The following PHYHIPL variants were observed in gnomAD, a reference collection of about 807,000 sequenced individuals.
PHYHIPL encodes the protein phytanoyl-CoA hydroxylase-interacting protein-like.
In PHYHIPL, 9 loss-of-function variants were observed where a neutral mutation model predicts 33.4. The ratio of observed to expected loss-of-function variants is 0.27; its 90% CI spans 0.16 to 0.47. PHYHIPL has a LOEUF of 0.47. PHYHIPL is among the 20% of genes least tolerant of loss of function. The probability of loss-of-function intolerance (pLI) is 0.99; values close to 1 mark genes in which losing one functional copy is unlikely to be tolerated. For synonymous variants in PHYHIPL, 153 were observed against 154.1 expected (o/e 0.99, Z 0.05); for missense variants, 365 against 460.7 (o/e 0.79, Z 1.90).
intron 1 of PHYHIPL, among the ~76,000 whole-genome samples, chr10:59,206,149 C>A (rs1839278163): frequency 6.6e-6 from 1 of 152,124 alleles, no homozygotes; most frequent in African/African-American, 2.4e-5. Context: ...TGCCCAAATC[C>A]TAGTCCCTCC....
intron 1 of PHYHIPL, among the ~76,000 whole-genome samples, chr10:59,194,597 G>A (rs1838861293): frequency 6.6e-6 from 1 of 152,108 alleles, no homozygotes. Flanking sequence ...CATTAATCAG[G>A]GAATAGTTAT....
At chr10:59,243,803 G>T (rs1379284449) in intron 4 of PHYHIPL, among the ~76,000 whole-genome samples, 2 of 152,084 alleles carry the variant, frequency 1.3e-5, no homozygotes, top group Non-Finnish European at 2.9e-5. Flanking sequence ...GGGGAATTCT[G>T]GAGAGAATTT....
intron 1 of PHYHIPL, among the ~76,000 whole-genome samples, chr10:59,194,940 C>G (rs550821645): frequency 3.3e-5 from 5 of 152,190 alleles, no homozygotes; most frequent in African/African-American, 1.2e-4. Context: ...CCCAGCATTT[C>G]TGTCAATGTT....
chr10:59,214,910 GGAT>G (rs1405718027), intron 1 of PHYHIPL, among the ~76,000 whole-genome samples: 1 of 151,938 alleles, frequency 6.6e-6, no homozygotes, highest in Non-Finnish European at 1.5e-5. Flanking sequence ...CAGATAACAA[GGAT>G]ATATACATAG....
chr10:59,183,009 C>T (rs931409720), intron 1 of PHYHIPL, among the ~76,000 whole-genome samples: 1 of 152,116 alleles, frequency 6.6e-6, no homozygotes, highest in Non-Finnish European at 1.5e-5. Context: ...CAAATATGTC[C>T]TAAGCACTTT....
intron 1 of PHYHIPL, among the ~76,000 whole-genome samples, chr10:59,208,141 G>A (rs1839341799): frequency 6.6e-6 from 1 of 152,172 alleles, no homozygotes; most frequent in South Asian, 2.1e-4. Flanking sequence ...ACACCTCCCA[G>A]CAGGGGTCAA....
chr10:59,221,416 A>T (rs1465501601), intron 1 of PHYHIPL, among the ~76,000 whole-genome samples: 1 of 152,042 alleles, frequency 6.6e-6, no homozygotes, highest in African/African-American at 2.4e-5. Flanking sequence ...ATGTACATAT[A>T]TTTTGAATGA....
At chr10:59,186,348 AT>A (rs533573188) in intron 1 of PHYHIPL, among the ~76,000 whole-genome samples, 120 of 152,294 alleles carry the variant, frequency 7.9e-4, no homozygotes, top group African/African-American at 2.8e-3. Flanking sequence ...TACCAGTACC[AT>A]GCTGTTTTGG....
intron 4 of PHYHIPL, among the ~76,000 whole-genome samples, chr10:59,242,159 A>C (rs995156779): frequency 8.5e-5 from 13 of 152,136 alleles, no homozygotes; most frequent in Non-Finnish European, 1.2e-4. Flanking sequence ...GGGAGCCTGG[A>C]TTTTCCACCA....
intron 1 of PHYHIPL, among the ~76,000 whole-genome samples, chr10:59,233,471 T>G (rs1254480394): frequency 2.0e-5 from 3 of 151,744 alleles, no homozygotes; most frequent in African/African-American, 7.2e-5. Context: ...TATGTTGGCC[T>G]GGGGAAAGGG....
At chr10:59,181,905 G>A (rs1310101157) in intron 1 of PHYHIPL, among the ~76,000 whole-genome samples, 3 of 152,066 alleles carry the variant, frequency 2.0e-5, no homozygotes, top group Admixed American at 6.5e-5. Context: ...GTTTAACGCT[G>A]GCAACTTACT....
intron 1 of PHYHIPL, among the ~76,000 whole-genome samples, chr10:59,207,604 A>G (rs1191188742): frequency 3.3e-5 from 5 of 152,164 alleles, no homozygotes; most frequent in African/African-American, 1.2e-4. Context: ...AAAGAAAGGC[A>G]GCAGCGGCCA....
At chr10:59,205,952 A>G (rs1372489992) in intron 1 of PHYHIPL, among the ~76,000 whole-genome samples, 1 of 152,200 alleles carries the variant, frequency 6.6e-6, no homozygotes, top group Non-Finnish European at 1.5e-5. Context: ...AGATACTGTA[A>G]GGAACTTAAG....
intron 1 of PHYHIPL, among the ~76,000 whole-genome samples, chr10:59,200,252 A>G (rs1266514148): frequency 6.6e-6 from 1 of 152,170 alleles, no homozygotes; most frequent in Admixed American, 6.6e-5. Context: ...ATATATTGAG[A>G]GTTTTTAGCA....
At chr10:59,214,614 G>C (rs139725397) in intron 1 of PHYHIPL, among the ~76,000 whole-genome samples, 9 of 152,144 alleles carry the variant, frequency 5.9e-5, no homozygotes, top group African/African-American at 2.2e-4. Context: ...CTCCGTTTGA[G>C]AACCAGTCAT....
intron 1 of PHYHIPL, among the ~76,000 whole-genome samples, chr10:59,180,928 T>C (rs1838399145): frequency 6.6e-6 from 1 of 152,156 alleles, no homozygotes; most frequent in Non-Finnish European, 1.5e-5. Flanking sequence ...TTAACTTTAA[T>C]AGTCTTTATT....
intron 1 of PHYHIPL, among the ~76,000 whole-genome samples, chr10:59,200,239 C>G (rs1839058291): frequency 6.6e-6 from 1 of 152,116 alleles, no homozygotes; most frequent in Admixed American, 6.6e-5. Flanking sequence ...CCATCAATAT[C>G]TAATATATTG....
chr10:59,226,998 C>T (rs1289279818), intron 1 of PHYHIPL, among the ~76,000 whole-genome samples: 1 of 151,870 alleles, frequency 6.6e-6, no homozygotes, highest in Non-Finnish European at 1.5e-5. Context: ...AAAGATGCAC[C>T]TAAAAAGTTA....
chr10:59,203,720 G>A (rs1247227568), intron 1 of PHYHIPL, among the ~76,000 whole-genome samples: 1 of 133,286 alleles, frequency 7.5e-6, no homozygotes, highest in East Asian at 2.5e-4. Flanking sequence ...TGAACAATGA[G>A]AACACTTGGA....
Sources: allele counts gnomAD v4.1 joint callset (sites outside exome capture counted in the v4.1 genomes callset), GRCh38; gene constraint gnomAD v4.1.1; transcripts MANE v1.5; gene names NCBI Gene and HGNC (gene_info 2026-07-23, HGNC 2026-07-21).